The following RUBCN variants were observed in gnomAD, a reference collection of about 807,000 sequenced individuals.
The protein encoded by RUBCN is rubicon autophagy regulator, also known as run domain Beclin-1-interacting and cysteine-rich domain-containing protein.
In RUBCN, 74 loss-of-function variants were observed where a neutral mutation model predicts 113.2. The observed-to-expected ratio is 0.65, with a 90% CI of 0.54 to 0.79. RUBCN has a LOEUF of 0.79. Among genes scored for constraint, RUBCN ranks in the 30% least tolerant of loss-of-function variants. The pLI is 0.00. For synonymous variants in RUBCN, 480 were observed against 490.0 expected, an observed-to-expected ratio of 0.98 and a Z score of 0.27; for missense variants, 1,109 against 1,251.7, an observed-to-expected ratio of 0.89 and a Z score of 1.72.
At chr3:197,722,675 T>A (rs1387638069) in intron 1 of RUBCN, among the ~76,000 whole-genome samples, 1 of 151,782 alleles carries the variant, frequency 6.6e-6, no homozygotes, top group Admixed American at 6.6e-5. Context: ...ACACAACTGT[T>A]ATATCCTTTT....
intron 2 of RUBCN, among the ~76,000 whole-genome samples, chr3:197,709,326 C>T (rs918415554): frequency 1.3e-5 from 2 of 151,962 alleles, no homozygotes; most frequent in Non-Finnish European, 2.9e-5. Context: ...ACCACCACCA[C>T]CAACAGATGC....
chr3:197,730,676 T>G (rs1055129130), intron 1 of RUBCN, among the ~76,000 whole-genome samples: 1 of 150,814 alleles, frequency 6.6e-6, no homozygotes, highest in Non-Finnish European at 1.5e-5. Flanking sequence ...TTATTGATGA[T>G]CAAACAAAGA....
chr3:197,726,693 AC>A (rs1350629090), intron 1 of RUBCN, among the ~76,000 whole-genome samples: 3 of 148,286 alleles, frequency 2.0e-5, no homozygotes, highest in African/African-American at 5.0e-5. Context: ...GGCACCCACC[AC>A]CAAACCCAGC....
At chr3:197,692,758 G>A (rs906341341) in intron 11 of RUBCN, among the ~76,000 whole-genome samples, 5 of 152,130 alleles carry the variant, frequency 3.3e-5, no homozygotes, top group Admixed American at 6.5e-5. Flanking sequence ...TGAATACCTC[G>A]AAAATGTGTG....
intron 8 of RUBCN, among the ~76,000 whole-genome samples, chr3:197,696,391 C>A (rs910286113): frequency 0.022 from 3,233 of 149,034 alleles, 85 homozygotes; most frequent in African/African-American, 0.057. Context: ...AAAAACAAAA[C>A]AAAAAAGAAT....
At position 197,703,581 on chromosome 3, in the gene RUBCN, G is replaced by T; in HGVS notation, c.537C>A (p.Asn179Lys). Residue 179 changes from asparagine to lysine, a missense_variant, in exon 5 of 20, where the codon AAC becomes AAA. Physicochemically the swap from Asn to Lys is moderately conservative, Grantham distance 94. This residue lies in a region of RUBCN where 736 missense variants were observed against 779.6 expected (regional missense o/e 0.94). Coordinates refer to ENST00000296343, the MANE Select transcript of RUBCN (RefSeq NM_014687.4). The stretch of plus-strand genomic sequence containing the variant: ...CATCGATCTGAGCCAGGAGGCGGGG[G>T]TTGTTCTGTTCCACTGCTTCCAGGC... ...LQCLEAVEQN[N>K]PRLLAQIDAS... The T allele has an allele frequency of 1.2e-6, 2 of 1,613,780 alleles. No individual in the cohort carries two copies. The highest frequency in any genetic ancestry group is 1.7e-6 in the Non-Finnish European group (2 of 1,179,762).
At position 197,693,703 on chromosome 3, in the gene RUBCN, G is replaced by GT. The variant is rs1722685091; in HGVS notation, c.1786+11dup. On this transcript the variant is annotated intron_variant, in intron 11 of 19. Transcript: ENST00000296343. Reference sequence around the variant, plus strand: ...AATAAAAGTTCCCTTGTAACAAAGTGTCACTTCTTACCTTGGATTTCAAAT... The same window carrying GT: ...AATAAAAGTTCCCTTGTAACAAAGTGTTCACTTCTTACCTTGGATTTCAAAT... 1.3e-6 allele frequency: 2 copies of GT among 1,563,848 alleles called. No homozygotes were observed. Among genetic ancestry groups the GT allele is most frequent in the Non-Finnish European group, 8.8e-7 (1 of 1,134,214 alleles).
chr3:197,671,140 G>A lies in RUBCN; in HGVS notation c.*3878C>T, dbSNP rs542399066. On this transcript the variant is annotated 3_prime_UTR_variant, in exon 20 of 20. Coordinates refer to ENST00000296343, the MANE Select transcript of RUBCN (RefSeq NM_014687.4). ...AGTGATTCTCATGATTCAGCCTCCC[G>A]AGTAGCTGGGATTACAAGCACATGC... Among the ~76,000 whole-genome samples, 9 of 152,200 alleles carry A rather than the reference G, an allele frequency of 5.9e-5. No homozygotes were observed. The highest frequency in any genetic ancestry group is 3.9e-4 in the East Asian group (2 of 5,190).
At chr3:197,679,137 C>T (rs1396513879) in intron 16 of RUBCN, among the ~76,000 whole-genome samples, 3 of 150,576 alleles carry the variant, frequency 2.0e-5, no homozygotes, top group African/African-American at 7.4e-5. Flanking sequence ...TGACAACTGG[C>T]TTCAGACTGT....
At chr3:197,704,961 A>T (rs1724123691) in intron 3 of RUBCN, 131 bp downstream of exon 3, 12 of 802,390 alleles carry the variant, frequency 1.5e-5, no homozygotes, top group Non-Finnish European at 2.1e-5. Context: ...AGGGATAATT[A>T]ATTTCCTTTC....
upstream of RUBCN, chr3:197,749,786 C>A: frequency 2.0e-6 from 1 of 496,886 alleles, no homozygotes; most frequent in South Asian, 2.5e-5. Context: ...AGTCACGGCG[C>A]GGGGCCGCTC....
chr3:197,727,588 G>A (rs190104857), intron 1 of RUBCN, among the ~76,000 whole-genome samples: 202 of 152,316 alleles, frequency 1.3e-3, no homozygotes, highest in South Asian at 4.1e-3. Context: ...TCTCCACTGC[G>A]TTTAAACCAA....
At chr3:197,728,490 T>C (rs917267053) in intron 1 of RUBCN, among the ~76,000 whole-genome samples, 1 of 152,008 alleles carries the variant, frequency 6.6e-6, no homozygotes, top group African/African-American at 2.4e-5. Flanking sequence ...ACAGGAAATA[T>C]AAAAACGTGA....
At chr3:197,739,525 C>T (rs1006647305), upstream of RUBCN, among the ~76,000 whole-genome samples, 4 of 149,986 alleles carry the variant, frequency 2.7e-5, no homozygotes, top group Admixed American at 2.7e-4. Flanking sequence ...AACCCCGTCT[C>T]TACTAAAAAT....
At position 197,749,366 on chromosome 3, in the gene RUBCN, T is replaced by C. The variant is rs544363554; in HGVS notation, c.-213A>G. Reference sequence around the variant, plus strand: ...GAGAAGGTACAGACACGGGAAACGTTAGCATTTACTTTGGAGTTAAGGTGA... The same window carrying C: ...GAGAAGGTACAGACACGGGAAACGTCAGCATTTACTTTGGAGTTAAGGTGA... On this transcript the variant is annotated 5_prime_UTR_variant, in exon 1 of 21. Transcript: ENST00000273582. The C allele has an allele frequency of 5.6e-5, 66 of 1,172,180 alleles. 1 individual carries two copies. The Middle Eastern group carries it at 1.5e-3, about 27-fold the overall frequency. The allele number at this position is 1,172,180 out of a possible 1,614,324, so 72.6% of individuals were successfully genotyped here.
chr3:197,724,319 G>A (rs556423681), intron 1 of RUBCN, among the ~76,000 whole-genome samples: 5 of 152,152 alleles, frequency 3.3e-5, no homozygotes, highest in Non-Finnish European at 5.9e-5. Flanking sequence ...ACTCTGTAAA[G>A]TATTACACTA....
In RUBCN at chr3:197,674,489, A is replaced by G; in HGVS notation, c.*529T>C. The G allele has an allele frequency of 2.1e-6, 1 of 476,652 alleles. No homozygotes were observed. 29.5% of individuals were successfully genotyped at this position (476,652 alleles called of 1,614,324 possible). A position where few individuals can be genotyped will look rare whatever the true frequency, so the allele number is the denominator to read the frequency against. ...CCAAAATACCCAAATAAGTGGACGAAATGCCCATGACGTAGTCCTATTCTC... is the reference window on the plus strand; with the variant it reads ...CCAAAATACCCAAATAAGTGGACGAGATGCCCATGACGTAGTCCTATTCTC... On this transcript the variant is annotated 3_prime_UTR_variant, in exon 20 of 20. Transcript: ENST00000296343.
chr3:197,700,322 GA>G, intron 7 of RUBCN: 2 of 526,942 alleles, frequency 3.8e-6, no homozygotes, highest in Non-Finnish European at 6.6e-6. Context: ...CAATCCAAGA[GA>G]TACTTTGAAA....
intron 2 of RUBCN, among the ~76,000 whole-genome samples, chr3:197,712,953 A>G (rs936340042): frequency 1.1e-4 from 16 of 151,528 alleles, no homozygotes; most frequent in Non-Finnish European, 2.2e-4. Context: ...TCCACCTCCC[A>G]GGTTCAAGCG....
Sources: allele counts gnomAD v4.1 joint callset (sites outside exome capture counted in the v4.1 genomes callset), GRCh38; gene constraint gnomAD v4.1.1; regional missense constraint gnomAD v4.1.1; transcripts MANE v1.5; gene names NCBI Gene and HGNC (gene_info 2026-07-23, HGNC 2026-07-21).